HDAC8: variants seen among roughly 807,000 people sequenced by gnomAD.
The protein encoded by HDAC8 is histone deacetylase 8.
In HDAC8, 1 loss-of-function variant was observed where a neutral mutation model predicts 32.2. The observed-to-expected ratio is 0.03, with a 90% CI of 0.01 to 0.15. The LOEUF (loss-of-function observed/expected upper bound fraction) is 0.15. Ranked by LOEUF, HDAC8 falls within the 10% of genes least tolerant of loss-of-function variation. The pLI, the probability that HDAC8 is intolerant of heterozygous loss-of-function variation, is 1.00. For missense variants in HDAC8, 117 were observed against 300.0 expected (o/e 0.39, Z 4.51); for synonymous variants, 108 against 113.9 (o/e 0.95, Z 0.33).
chrX:72,346,684 G>A (rs1361101788), intron 10 of HDAC8, among the ~76,000 whole-genome samples: 2 of 109,833 alleles, frequency 1.8e-5, no homozygotes, highest in African/African-American at 3.3e-5. Flanking sequence ...GGAGCTGGGT[G>A]AGCTGGCTTC....
intron 4 of HDAC8, among the ~76,000 whole-genome samples, chrX:72,544,886 C>A (rs1556049695): frequency 9.0e-6 from 1 of 111,708 alleles, no homozygotes; most frequent in Non-Finnish European, 1.9e-5. Context: ...AAGATGCTGT[C>A]CAAAGTTTTT....
intron 9 of HDAC8, among the ~76,000 whole-genome samples, chrX:72,416,515 T>G (rs945147604): frequency 5.4e-4 from 54 of 100,600 alleles, no homozygotes; most frequent in African/African-American, 1.9e-3. Flanking sequence ...TTCATTGAAT[T>G]TATTATTATT....
intron 7 of HDAC8, among the ~76,000 whole-genome samples, chrX:72,468,807 T>C (rs1378672401): frequency 8.9e-6 from 1 of 112,193 alleles, no homozygotes; most frequent in Admixed American, 9.4e-5. Context: ...CATTCATTCA[T>C]TTCATTCATT....
intron 4 of HDAC8, among the ~76,000 whole-genome samples, chrX:72,562,117 T>A (rs782309078): frequency 3.6e-5 from 4 of 112,122 alleles, no homozygotes; most frequent in Non-Finnish European, 7.5e-5. Flanking sequence ...TGGAAAACAG[T>A]GTGGAGACTC....
At chrX:72,424,466 T>C in intron 9 of HDAC8, among the ~76,000 whole-genome samples, 1 of 111,789 alleles carries the variant, frequency 8.9e-6, no homozygotes, top group East Asian at 2.8e-4. Flanking sequence ...CCTCATCTGT[T>C]GACTATAATT....
intron 10 of HDAC8, among the ~76,000 whole-genome samples, chrX:72,345,709 C>T (rs2044008333): frequency 9.0e-6 from 1 of 111,637 alleles, no homozygotes; most frequent in South Asian, 3.8e-4. Flanking sequence ...TAGATAGGGT[C>T]TGGCTCTGTC....
At chrX:72,499,141 T>C (rs1025493881) in intron 4 of HDAC8, among the ~76,000 whole-genome samples, 3 of 112,097 alleles carry the variant, frequency 2.7e-5, no homozygotes, top group East Asian at 2.8e-4. Context: ...ACTGGCACCA[T>C]GCTTCTTGTA....
At chrX:72,362,293 C>T (rs2044575674) in intron 9 of HDAC8, among the ~76,000 whole-genome samples, 1 of 111,639 alleles carries the variant, frequency 9.0e-6, no homozygotes, top group Admixed American at 9.5e-5. Context: ...CTCTTGCTTC[C>T]TCTCTGGCCA....
At chrX:72,562,152 C>T (rs1556121794) in intron 4 of HDAC8, among the ~76,000 whole-genome samples, 2 of 111,958 alleles carry the variant, frequency 1.8e-5, no homozygotes, top group African/African-American at 6.5e-5. Context: ...AGTAGATCTA[C>T]CATTTGATTT....
intron 10 of HDAC8, among the ~76,000 whole-genome samples, chrX:72,342,622 T>A (rs1280394844): frequency 8.9e-6 from 1 of 112,271 alleles, no homozygotes; most frequent in Admixed American, 9.5e-5. Context: ...TACAATCGCT[T>A]TGGGCATGTA....
At chrX:72,439,157 T>G (rs1555980641) in intron 9 of HDAC8, among the ~76,000 whole-genome samples, 1 of 111,688 alleles carries the variant, frequency 9.0e-6, no homozygotes, top group African/African-American at 3.3e-5. Flanking sequence ...GGGGCCAATA[T>G]TCAACATTCT....
rs782596664 is a variant in HDAC8 at position 72,513,231 on chromosome X, G to C, written c.438-17963C>G. Among the ~76,000 whole-genome samples the C allele has an allele frequency of 7.1e-5, 8 of 112,053 alleles. No individual in the cohort carries two copies. The South Asian group carries it at 2.6e-3, about 37-fold the overall frequency. On this transcript the variant is annotated intron_variant, in intron 4 of 10. Coordinates refer to ENST00000373573, the MANE Select transcript of HDAC8 (RefSeq NM_018486.3). ...CTTCTTGTACTTGTCTTCTCCACTA[G>C]ACTACATACTCTTGGAGAGCAAAGA...
At chrX:72,395,968 A>C (rs2045750940) in intron 9 of HDAC8, among the ~76,000 whole-genome samples, 1 of 112,001 alleles carries the variant, frequency 8.9e-6, no homozygotes, top group South Asian at 3.8e-4. Flanking sequence ...AAGCAGACTT[A>C]AAATCAGAAT....
At chrX:72,556,513 T>C (rs939409412) in intron 4 of HDAC8, among the ~76,000 whole-genome samples, 1 of 111,391 alleles carries the variant, frequency 9.0e-6, no homozygotes, top group African/African-American at 3.3e-5. Context: ...GAGACTCACC[T>C]AACACATAAG....
intron 5 of HDAC8, among the ~76,000 whole-genome samples, chrX:72,493,589 C>T (rs782683184): frequency 8.9e-6 from 1 of 111,897 alleles, no homozygotes; most frequent in African/African-American, 3.2e-5. Context: ...CTTTGCAAAC[C>T]ACTCAAGGTC....
intron 9 of HDAC8, among the ~76,000 whole-genome samples, chrX:72,374,740 A>T (rs1402767848): frequency 7.5e-5 from 8 of 107,274 alleles, no homozygotes; most frequent in South Asian, 4.0e-4. Context: ...TGATTCACAA[A>T]TTTTTTTTCC....
At chrX:72,379,280 A>G (rs1417609566) in intron 9 of HDAC8, among the ~76,000 whole-genome samples, 1 of 111,511 alleles carries the variant, frequency 9.0e-6, no homozygotes, top group Non-Finnish European at 1.9e-5. Context: ...GTCTTTGTCT[A>G]GTAATTCCAA....
intron 9 of HDAC8, among the ~76,000 whole-genome samples, chrX:72,401,309 A>T (rs147758146): frequency 1.8e-5 from 2 of 111,922 alleles, no homozygotes; most frequent in African/African-American, 6.5e-5. Flanking sequence ...ATCTTGGCTC[A>T]CTGCAACCTC....
At chrX:72,348,707 C>G (rs1053542570) in intron 10 of HDAC8, among the ~76,000 whole-genome samples, 1 of 111,807 alleles carries the variant, frequency 8.9e-6, no homozygotes, top group African/African-American at 3.3e-5. Flanking sequence ...TTGCTGTCTA[C>G]CCTCTCTGGC....
Sources: gnomAD v4.1 joint callset for allele counts (sites outside exome capture counted in the v4.1 genomes callset) on GRCh38, gnomAD v4.1.1 for gene constraint, MANE v1.5 for transcripts, NCBI Gene and HGNC (gene_info 2026-07-23, HGNC 2026-07-21) for gene names.